The following TMPRSS9 variants were observed in gnomAD, a reference collection of about 807,000 sequenced individuals.
The protein encoded by TMPRSS9 is transmembrane serine protease 9, also known as transmembrane protease serine 9.
In TMPRSS9, 113 loss-of-function variants were observed where a neutral mutation model predicts 111.4. That is an observed-to-expected ratio of 1.01 (90% CI 0.87 to 1.19). TMPRSS9 has a LOEUF of 1.19. Among genes scored for constraint, TMPRSS9 ranks in the 50% most tolerant of loss-of-function variants. The pLI is 0.00. For synonymous variants in TMPRSS9, 805 were observed against 659.1 expected, an observed-to-expected ratio of 1.22 and a Z score of -3.39; for missense variants, 1,803 against 1,513.1, an observed-to-expected ratio of 1.19 and a Z score of -3.18.
At chr19:2,364,176 T>C (rs186973660) in intron 1 of TMPRSS9, among the ~76,000 whole-genome samples, 169 of 150,532 alleles carry the variant, frequency 1.1e-3, no homozygotes, top group Middle Eastern at 3.4e-3. Flanking sequence ...AGTGAGACCC[T>C]GTCTCAAATA....
intron 8 of TMPRSS9, 108 bp from the exon 10 acceptor site, chr19:2,410,150 G>A (rs1490988939): frequency 2.7e-6 from 4 of 1,505,694 alleles, no homozygotes; most frequent in Non-Finnish European, 3.6e-6. Context: ...CTTGGAGCTG[G>A]GGAAACTGAG....
intron 13 of TMPRSS9, among the ~76,000 whole-genome samples, chr19:2,420,066 A>G (rs546457243): frequency 6.6e-6 from 1 of 152,232 alleles, no homozygotes; most frequent in South Asian, 2.1e-4. Flanking sequence ...GGGCAGCTGA[A>G]CTGGGAGGAT....
At chr19:2,418,099 C>T (rs942903133) in exon 13 of TMPRSS9, 22 of 1,612,136 alleles carry the variant, frequency 1.4e-5, no homozygotes, top group Middle Eastern at 1.6e-4. Context: ...ACCGCATGAT[C>T]TGCGCAGGCT....
Position 2,416,694 on chromosome 19 carries a change from C to T in TMPRSS9, c.1902C>T (p.Ser634=), listed in dbSNP as rs747815430. The T allele has an allele frequency of 3.1e-6, 5 of 1,613,084 alleles. 1 individual carries two copies. The South Asian group carries it at 4.4e-5, about 14-fold the overall frequency. Residue 634 remains serine (S), a synonymous_variant, in exon 12 of 18, where the codon AGC becomes AGT. Coordinates refer to ENST00000648592, the Ensembl canonical transcript of TMPRSS9. Reference sequence around the variant, plus strand: ...ACCTGGCTGTCCTGGAGCTGGCCAGCCCCCTGGCCTTCAACAAATACATCC... The same window carrying T: ...ACCTGGCTGTCCTGGAGCTGGCCAGTCCCCTGGCCTTCAACAAATACATCC...
At position 2,402,969 on chromosome 19, in the gene TMPRSS9, G is replaced by A; in HGVS notation, c.557-113G>A. 3 of 762,046 alleles carry A rather than the reference G, an allele frequency of 3.9e-6. No individual in the cohort carries two copies. In the South Asian group the frequency reaches 4.6e-5, roughly 12 times the overall value. The allele number at this position is 762,046 out of a possible 1,614,324, so 47.2% of individuals were successfully genotyped here. On this transcript the variant is annotated intron_variant, in intron 5 of 17. Transcript: ENST00000648592. ...AAACAAGGAAAAGGAAAGAAAAGGA[G>A]AGAGAGAGTTTCCACATTTCCGTAC...
chr19:2,399,322 G>C (rs1177088438), intron 4 of TMPRSS9, 129 bp downstream of exon 5: 4 of 1,269,088 alleles, frequency 3.2e-6, no homozygotes, highest in Non-Finnish European at 4.2e-6. Context: ...GGTGGCTCAT[G>C]CCTGCAACCC....
At chr19:2,404,092 C>A (rs1970916530) in intron 6 of TMPRSS9, among the ~76,000 whole-genome samples, 1 of 151,930 alleles carries the variant, frequency 6.6e-6, no homozygotes, top group African/African-American at 2.4e-5. Context: ...TGCTTGAGCC[C>A]AGTAGATTGA....
At chr19:2,383,578 C>G (rs1426004067) in intron 1 of TMPRSS9, among the ~76,000 whole-genome samples, 1 of 150,354 alleles carries the variant, frequency 6.7e-6, no homozygotes, top group Non-Finnish European at 1.5e-5. Context: ...TCCAGTGATC[C>G]TCCTATCTCG....
In TMPRSS9 at chr19:2,402,973, G is replaced by A. The variant is rs539821206; in HGVS notation, c.557-109G>A. 1.0e-4 allele frequency: 78 copies of A among 777,022 alleles called. No homozygotes were observed. The East Asian group carries it at 1.9e-3, about 19-fold the overall frequency. 48.1% of individuals were successfully genotyped at this position (777,022 alleles called of 1,614,324 possible). A position where few individuals can be genotyped will look rare whatever the true frequency, so the allele number is the denominator to read the frequency against. Reference sequence around the variant, plus strand: ...AAGGAAAAGGAAAGAAAAGGAGAGAGAGAGTTTCCACATTTCCGTACCCTG... The same window carrying A: ...AAGGAAAAGGAAAGAAAAGGAGAGAAAGAGTTTCCACATTTCCGTACCCTG... On this transcript the variant is annotated intron_variant, in intron 5 of 17. Transcript: ENST00000648592.
intron 13 of TMPRSS9, among the ~76,000 whole-genome samples, 188 bp from the exon 15 acceptor site, chr19:2,421,666 G>A (rs1326321334): frequency 6.6e-6 from 1 of 152,154 alleles, no homozygotes; most frequent in African/African-American, 2.4e-5. Flanking sequence ...AACTCAGAGA[G>A]GAGAAGTGAC....
chr19:2,379,639 T>G (rs910725678), intron 1 of TMPRSS9, among the ~76,000 whole-genome samples: 1 of 147,380 alleles, frequency 6.8e-6, no homozygotes, highest in Non-Finnish European at 1.5e-5. Context: ...CTTTCTTTCT[T>G]TCTTTCTTTC....
chr19:2,416,466 C>A, intron 11 of TMPRSS9, 72 bp from the exon 13 acceptor site: 1 of 1,535,534 alleles, frequency 6.5e-7, no homozygotes. Flanking sequence ...GGGTGTGCAT[C>A]AGCCCTGTCC....
At chr19:2,386,335 C>T (rs1418034293), upstream of TMPRSS9, among the ~76,000 whole-genome samples, 5 of 151,846 alleles carry the variant, frequency 3.3e-5, no homozygotes, top group African/African-American at 1.2e-4. Context: ...GAAACCCCGT[C>T]TCTACTAAAA....
At chr19:2,368,324 C>G (rs1283900230) in intron 1 of TMPRSS9, among the ~76,000 whole-genome samples, 1 of 143,690 alleles carries the variant, frequency 7.0e-6, no homozygotes, top group Non-Finnish European at 1.5e-5. Flanking sequence ...ATTTGAGAGA[C>G]CAAAAAAAAA....
intron 9 of TMPRSS9, among the ~76,000 whole-genome samples, chr19:2,413,391 A>G (rs1971140859): frequency 6.6e-6 from 1 of 152,040 alleles, no homozygotes; most frequent in Non-Finnish European, 1.5e-5. Context: ...TGGTGACATT[A>G]TCAAAGATCT....
At chr19:2,376,461 C>T (rs1970335233) in intron 1 of TMPRSS9, among the ~76,000 whole-genome samples, 1 of 149,678 alleles carries the variant, frequency 6.7e-6, no homozygotes, top group Admixed American at 6.7e-5. Flanking sequence ...GATGTCATTT[C>T]TTTTTTTTTT....
exon 6 of TMPRSS9, chr19:2,403,153 G>C: frequency 1.2e-6 from 2 of 1,612,198 alleles, no homozygotes; most frequent in Middle Eastern, 1.7e-4. Context: ...GGAGTGTGAC[G>C]ACCAGGAGGA....
At chr19:2,425,588 C>G in intron 17 of TMPRSS9, 95 bp downstream of exon 18, 1 of 1,392,160 alleles carries the variant, frequency 7.2e-7, no homozygotes, top group Non-Finnish European at 9.3e-7. Context: ...GGGAGCCACC[C>G]TCCGGTGCAG....
intron 1 of TMPRSS9, among the ~76,000 whole-genome samples, chr19:2,383,021 T>C (rs919869710): frequency 6.6e-6 from 1 of 152,072 alleles, no homozygotes; most frequent in African/African-American, 2.4e-5. Flanking sequence ...CCCACCACAT[T>C]ATGGAGGGTC....
Sources: allele counts gnomAD v4.1 joint callset (sites outside exome capture counted in the v4.1 genomes callset), GRCh38; gene constraint gnomAD v4.1.1; transcripts MANE v1.5; gene names NCBI Gene and HGNC (gene_info 2026-07-23, HGNC 2026-07-21).